Variants in LARP1B observed in about 807,000 individuals in gnomAD.
LARP1B encodes la-related protein 1B.
Under a neutral mutation model 114.2 loss-of-function variants are expected in LARP1B, and 76 were observed. The ratio of observed to expected loss-of-function variants is 0.67; its 90% CI spans 0.55 to 0.81. The LOEUF is 0.81. Among genes scored for constraint, LARP1B ranks in the 30% least tolerant of loss-of-function variants. The pLI is 0.00. For missense variants in LARP1B, 1,014 were observed against 1,075.8 expected (o/e 0.94, Z 0.80); for synonymous variants, 345 against 348.0 (o/e 0.99, Z 0.10).
chr4:128,114,059 T>C (rs1410804158), intron 9 of LARP1B, among the ~76,000 whole-genome samples: 4 of 152,322 alleles, frequency 2.6e-5, no homozygotes, highest in Admixed American at 2.6e-4. Context: ...ATGACTACAC[T>C]GCATTTATTG....
intron 11 of LARP1B, among the ~76,000 whole-genome samples, chr4:128,136,663 A>G (rs1180859537): frequency 6.6e-6 from 1 of 152,260 alleles, no homozygotes; most frequent in Non-Finnish European, 1.5e-5. Flanking sequence ...TTTTTAGTAT[A>G]TACATGGTAC....
At chr4:128,156,340 C>T in intron 11 of LARP1B, 1 of 665,652 alleles carries the variant, frequency 1.5e-6, no homozygotes, top group Non-Finnish European at 2.7e-6. Context: ...ATGAGACTAA[C>T]CATATTGTGC....
intron 7 of LARP1B, among the ~76,000 whole-genome samples, chr4:128,095,885 T>C (rs1193069546): frequency 2.6e-5 from 4 of 152,170 alleles, no homozygotes; most frequent in Non-Finnish European, 5.9e-5. Flanking sequence ...CCCATCATCA[T>C]TGATGTTATG....
chr4:128,134,341 A>G (rs1347650146), intron 11 of LARP1B, among the ~76,000 whole-genome samples: 3 of 152,154 alleles, frequency 2.0e-5, no homozygotes, highest in South Asian at 4.1e-4. Flanking sequence ...AGACCACTCA[A>G]TGGAGAAAGG....
At chr4:128,082,413 A>C in intron 5 of LARP1B, 108 bp downstream of exon 5, 2 of 951,070 alleles carry the variant, frequency 2.1e-6, no homozygotes, top group Non-Finnish European at 1.6e-6. Context: ...TGAAGACATC[A>C]TGTCCCTTTA....
intron 11 of LARP1B, 120 bp downstream of exon 11, chr4:128,122,308 T>TTAAAA: frequency 1.3e-6 from 2 of 1,503,392 alleles, no homozygotes; most frequent in East Asian, 4.6e-5. Context: ...TACATTGTAT[T>TTAAAA]TAACTTGAAA....
chr4:128,128,482 C>T (rs1790382790), intron 11 of LARP1B, among the ~76,000 whole-genome samples: 1 of 152,134 alleles, frequency 6.6e-6, no homozygotes, highest in South Asian at 2.1e-4. Flanking sequence ...ATGCTCAGAG[C>T]ACTTATGTTA....
chr4:128,098,171 G>C lies in LARP1B; in HGVS notation c.669-15G>C, dbSNP rs973494004. 6 of 1,587,474 alleles carry C rather than the reference G, an allele frequency of 3.8e-6. No individual in the cohort carries two copies. The highest frequency in any genetic ancestry group is 1.7e-5 in the Admixed American group (1 of 59,546). On this transcript the variant is annotated splice_polypyrimidine_tract_variant and intron_variant, in intron 7 of 19. Coordinates refer to ENST00000326639, the MANE Select transcript of LARP1B (RefSeq NM_018078.4). ...CTACTAAATAAATGGATGAAATTCT[G>C]ATTTCTCTTTTCAGTGAATATTACT... is the stretch of plus-strand genomic sequence containing the variant.
intron 1 of LARP1B, among the ~76,000 whole-genome samples, chr4:128,070,383 G>A (rs763450816): frequency 6.6e-6 from 1 of 151,936 alleles, no homozygotes; most frequent in Non-Finnish European, 1.5e-5. Flanking sequence ...AGGACTGCCC[G>A]GGCACGGTGG....
chr4:128,068,883 ACTTTT>A (rs1561032510), intron 1 of LARP1B: 2 of 431,870 alleles, frequency 4.6e-6, no homozygotes, highest in African/African-American at 3.9e-5. Flanking sequence ...TTGCACTTTA[ACTTTT>A]CTTAACTTGA....
At chr4:128,199,698 TTTA>T in intron 16 of LARP1B, 99 bp downstream of exon 16, 1 of 533,038 alleles carries the variant, frequency 1.9e-6, no homozygotes, top group Non-Finnish European at 2.9e-6. Flanking sequence ...AAGATATTCT[TTTA>T]TTGTTAGACT....
intron 11 of LARP1B, among the ~76,000 whole-genome samples, chr4:128,136,873 A>AT (rs1310489337): frequency 2.0e-5 from 3 of 152,086 alleles, no homozygotes; most frequent in Non-Finnish European, 4.4e-5. Flanking sequence ...AAGTGTTGGG[A>AT]TTATAGGCAT....
At chr4:128,127,531 C>G (rs1356136100) in intron 11 of LARP1B, among the ~76,000 whole-genome samples, 2 of 152,106 alleles carry the variant, frequency 1.3e-5, no homozygotes, top group African/African-American at 4.8e-5. Context: ...TCAAAACACT[C>G]TTAAAAAATA....
intron 12 of LARP1B, among the ~76,000 whole-genome samples, chr4:128,172,440 C>T (rs1744118529): frequency 6.6e-6 from 1 of 152,108 alleles, no homozygotes; most frequent in Non-Finnish European, 1.5e-5. Context: ...TGCCTATAAT[C>T]CCAGCACTTT....
At chr4:128,150,043 C>T (rs1170266357) in intron 11 of LARP1B, among the ~76,000 whole-genome samples, 1 of 152,082 alleles carries the variant, frequency 6.6e-6, no homozygotes, top group Non-Finnish European at 1.5e-5. Flanking sequence ...CCCAGCTGTT[C>T]AGGAGGCTGA....
intron 11 of LARP1B, among the ~76,000 whole-genome samples, chr4:128,159,730 T>C (rs1466982950): frequency 6.6e-6 from 1 of 152,170 alleles, no homozygotes; most frequent in South Asian, 2.1e-4. Flanking sequence ...GGTGCAGATG[T>C]AGATCAACAG....
At chr4:128,159,717 A>G (rs988055667) in intron 11 of LARP1B, among the ~76,000 whole-genome samples, 4 of 152,170 alleles carry the variant, frequency 2.6e-5, no homozygotes, top group African/African-American at 9.7e-5. Flanking sequence ...AATACCACAC[A>G]TTGGTGCAGA....
chr4:128,084,817 C>G (rs1772756676), intron 5 of LARP1B, among the ~76,000 whole-genome samples: 1 of 151,968 alleles, frequency 6.6e-6, no homozygotes, highest in South Asian at 2.1e-4. Flanking sequence ...ACCCCTGTAA[C>G]TTTATTTGAT....
chr4:128,161,728 G>T (rs1332385942), intron 11 of LARP1B, among the ~76,000 whole-genome samples: 2 of 151,992 alleles, frequency 1.3e-5, no homozygotes, highest in African/African-American at 4.8e-5. Context: ...AGGTGCTTTT[G>T]TCCCATCTCT....
Sources: allele counts gnomAD v4.1 joint callset (sites outside exome capture counted in the v4.1 genomes callset), GRCh38; gene constraint gnomAD v4.1.1; transcripts MANE v1.5; gene names NCBI Gene and HGNC (gene_info 2026-07-23, HGNC 2026-07-21).